The following AUTS2 variants were observed in gnomAD, a reference collection of about 807,000 sequenced individuals.
AUTS2 encodes autism susceptibility gene 2 protein.
A neutral mutation model predicts 112.4 loss-of-function variants in AUTS2; 17 were observed. That is an observed-to-expected ratio of 0.15 (90% confidence interval 0.10 to 0.23). AUTS2 has a LOEUF of 0.23. Among genes scored for constraint, AUTS2 ranks in the 10% least tolerant of loss-of-function variants. The probability of loss-of-function intolerance (pLI) is 1.00; values close to 1 mark genes in which losing one functional copy is unlikely to be tolerated. For missense variants in AUTS2, 1,510 were observed against 1,701.6 expected (o/e 0.89, Z 1.98); for synonymous variants, 751 against 702.7 (o/e 1.07, Z -1.09).
intron 1 of AUTS2, among the ~76,000 whole-genome samples, chr7:69,850,659 AAT>A (rs1792437700): frequency 6.6e-6 from 1 of 152,070 alleles, no homozygotes; most frequent in South Asian, 2.1e-4. Context: ...TCTTTGATGA[AAT>A]GTCTGTTCAT....
chr7:69,599,744 G>A lies in AUTS2; in HGVS notation c.91G>A (p.Gly31Arg). 1 of 1,351,854 alleles carries A rather than the reference G, an allele frequency of 7.4e-7. No homozygotes were observed. Among genetic ancestry groups the A allele is most frequent in the Non-Finnish European group, 9.5e-7 (1 of 1,056,528 alleles). 83.7% of individuals were successfully genotyped at this position (1,351,854 alleles called of 1,614,324 possible). Residue 31 changes from glycine (G) to arginine (R), a missense_variant, in exon 1 of 19, where the codon GGG (glycine) becomes AGG (arginine). By Grantham distance (125) the Gly-to-Arg change is moderately radical. This residue lies in a region of AUTS2 where 535 missense variants were observed against 594.3 expected (regional missense o/e 0.90). Coordinates refer to ENST00000342771, the MANE Select transcript of AUTS2 (RefSeq NM_015570.4). This position sits in a 1 kb window ranked among gnomAD's most constrained non-coding sequence, Gnocchi z 7.0. The stretch of plus-strand genomic sequence containing the variant: ...GGAGAGGCGCTCCCGGGGCGGGCTG[G>A]GGGCCGGCGCGGCCGGCGGCGGCGG... ...DRERRSRGGL[G>R]AGAAGGGGAG...
intron 6 of AUTS2, among the ~76,000 whole-genome samples, chr7:70,749,617 T>C (rs1322873582): frequency 1.3e-5 from 2 of 152,176 alleles, no homozygotes; most frequent in Admixed American, 1.3e-4. Context: ...ATGGATTCAT[T>C]TTAGCAGCAT....
chr7:70,781,384 A>C (rs965145646), intron 14 of AUTS2: 1 of 357,204 alleles, frequency 2.8e-6, no homozygotes, highest in Non-Finnish European at 4.9e-6. Flanking sequence ...AAAAAAAAAA[A>C]CCAGACCAAA....
chr7:69,976,000 T>G (rs1172611783), intron 2 of AUTS2, among the ~76,000 whole-genome samples: 1 of 152,220 alleles, frequency 6.6e-6, no homozygotes, highest in Non-Finnish European at 1.5e-5. Flanking sequence ...AAATGCATTT[T>G]ACTCTGGTAA....
chr7:70,750,144 C>T (rs1443763148), intron 6 of AUTS2, among the ~76,000 whole-genome samples: 1 of 152,144 alleles, frequency 6.6e-6, no homozygotes, highest in African/African-American at 2.4e-5. Flanking sequence ...ATCACAGACA[C>T]TTCTTTCTAC....
chr7:70,145,691 T>G (rs1190918892), intron 4 of AUTS2, among the ~76,000 whole-genome samples: 1 of 152,176 alleles, frequency 6.6e-6, no homozygotes, highest in Non-Finnish European at 1.5e-5. Context: ...ACAGAAGGGA[T>G]AAGTTCATTT....
intron 2 of AUTS2, among the ~76,000 whole-genome samples, chr7:69,969,082 G>A (rs565674642): frequency 6.6e-6 from 1 of 151,910 alleles, no homozygotes; most frequent in Non-Finnish European, 1.5e-5. Context: ...ACTTTCCTTT[G>A]AGAAGCCGAC....
At chr7:70,096,734 G>A (rs539838544) in intron 2 of AUTS2, among the ~76,000 whole-genome samples, 4 of 131,500 alleles carry the variant, frequency 3.0e-5, no homozygotes, top group African/African-American at 1.2e-4. Flanking sequence ...AGCCAACTGT[G>A]TTGTCTTAAA....
chr7:70,762,888 G>T lies in AUTS2; in HGVS notation c.761G>T (p.Gly254Val), dbSNP rs886587974. Reference sequence around the variant, plus strand: ...CATGCAGATCCGGAGTTAGGTGTTGGCACGCTACCAGAACATGACAGCCAG... The same window carrying T: ...CATGCAGATCCGGAGTTAGGTGTTGTCACGCTACCAGAACATGACAGCCAG... ...IVNKDPELGV[G>V]TLPEHDSQDA... Residue 254 changes from glycine (G) to valine (V), a missense_variant, in exon 7 of 19, where the codon GGC becomes GTC. Physicochemically the swap from Gly to Val is moderately radical, Grantham distance 109. This residue lies in a region of AUTS2 where 535 missense variants were observed against 594.3 expected (regional missense o/e 0.90). Transcript: ENST00000342771. 1.2e-6 allele frequency: 2 copies of T among 1,613,294 alleles called. No homozygotes were observed. The highest frequency in any genetic ancestry group is 1.3e-5 in the African/African-American group (1 of 74,874).
chr7:69,643,045 G>A (rs1237482363), intron 1 of AUTS2, among the ~76,000 whole-genome samples: 2 of 152,298 alleles, frequency 1.3e-5, no homozygotes, highest in East Asian at 3.9e-4. Context: ...TGAGCCCACT[G>A]TGATTGTTGG....
intron 4 of AUTS2, among the ~76,000 whole-genome samples, chr7:70,426,671 T>C (rs1795451698): frequency 6.6e-6 from 1 of 152,198 alleles, no homozygotes; most frequent in Non-Finnish European, 1.5e-5. Context: ...TCCTTTTATC[T>C]TAAAGTAATG....
chr7:70,213,724 G>A (rs1811038428), intron 4 of AUTS2, among the ~76,000 whole-genome samples: 3 of 152,146 alleles, frequency 2.0e-5, no homozygotes, highest in Admixed American at 2.0e-4. Flanking sequence ...GGGTACTCAT[G>A]TCTTCTCTCT....
intron 4 of AUTS2, among the ~76,000 whole-genome samples, chr7:70,423,587 A>T (rs967674346): frequency 1.3e-5 from 2 of 152,240 alleles, no homozygotes; most frequent in African/African-American, 4.8e-5. Flanking sequence ...CCCTGTGTGC[A>T]GGTTACTGAC....
intron 1 of AUTS2, among the ~76,000 whole-genome samples, chr7:69,756,767 C>T (rs1352414548): frequency 6.6e-6 from 1 of 152,034 alleles, no homozygotes; most frequent in Non-Finnish European, 1.5e-5. Flanking sequence ...TGAGGATGTC[C>T]AAATCTTCTT....
intron 1 of AUTS2, among the ~76,000 whole-genome samples, chr7:69,728,524 A>G (rs1786627959): frequency 6.6e-6 from 1 of 152,160 alleles, no homozygotes; most frequent in Non-Finnish European, 1.5e-5. Context: ...TTAGACAAAC[A>G]TTGAGTCATC....
intron 4 of AUTS2, among the ~76,000 whole-genome samples, chr7:70,341,643 C>A (rs1489420964): frequency 2.0e-5 from 3 of 152,182 alleles, no homozygotes; most frequent in Non-Finnish European, 4.4e-5. Context: ...CTTTCTAGTG[C>A]AATTAGCACG....
At chr7:70,690,901 T>C (rs1205385780) in intron 5 of AUTS2, among the ~76,000 whole-genome samples, 1 of 152,196 alleles carries the variant, frequency 6.6e-6, no homozygotes, top group African/African-American at 2.4e-5. Context: ...TTCCAGGTTA[T>C]AGTGAGCTAT....
chr7:69,657,995 A>G (rs576950878), intron 1 of AUTS2, among the ~76,000 whole-genome samples: 2 of 152,404 alleles, frequency 1.3e-5, no homozygotes, highest in South Asian at 4.1e-4. Context: ...TTATGCGGTC[A>G]TGAGCTAAGA....
chr7:69,920,623 A>C (rs577087406), intron 2 of AUTS2, among the ~76,000 whole-genome samples: 1 of 152,254 alleles, frequency 6.6e-6, no homozygotes, highest in Non-Finnish European at 1.5e-5. Context: ...TGTGAGGCAT[A>C]TATGTTGATT....
Sources: gnomAD v4.1 joint callset for allele counts (sites outside exome capture counted in the v4.1 genomes callset) on GRCh38, gnomAD v4.1.1 for gene constraint, gnomAD v4.1.1 regional missense constraint, Gnocchi (gnomAD v3.1) non-coding constraint, MANE v1.5 for transcripts, NCBI Gene and HGNC (gene_info 2026-07-23, HGNC 2026-07-21) for gene names.